AKR1B15: variants seen among roughly 807,000 people sequenced by gnomAD.
The protein encoded by AKR1B15 is estradiol 17-beta-dehydrogenase AKR1B15.
A neutral mutation model predicts 38.5 loss-of-function variants in AKR1B15; 49 were observed. That is an observed-to-expected ratio of 1.27 (90% CI 1.01 to 1.62). The LOEUF is 1.62. Ranked by LOEUF, AKR1B15 falls within the 40% of genes most tolerant of loss-of-function variation. The pLI is 0.00. For missense variants in AKR1B15, 411 were observed against 381.6 expected, an observed-to-expected ratio of 1.08 and a Z score of -0.64; for synonymous variants, 137 against 135.5, an observed-to-expected ratio of 1.01 and a Z score of -0.08.
At position 134,565,363 on chromosome 7, in the gene AKR1B15, G is replaced by C; in HGVS notation, c.150+594G>C. On this transcript the variant is annotated intron_variant, in intron 3 of 11. Coordinates refer to ENST00000457545, the MANE Select transcript of AKR1B15 (RefSeq NM_001080538.3). ...AACAGCTGTAACACACACTGTGAAG[G>C]TCCACGGCTTCATTCTTGAAGCCAG... The C allele has an allele frequency of 2.6e-6, 4 of 1,519,848 alleles. No individual in the cohort carries two copies. In the South Asian group the frequency reaches 4.7e-5, roughly 18 times the overall value. 94.1% of individuals were successfully genotyped at this position (1,519,848 alleles called of 1,614,324 possible). A position where few individuals can be genotyped will look rare whatever the true frequency, so the allele number is the denominator to read the frequency against.
At chr7:134,549,650 C>T (rs969997644) in intron 1 of AKR1B15, among the ~76,000 whole-genome samples, 2 of 152,156 alleles carry the variant, frequency 1.3e-5, no homozygotes, top group Non-Finnish European at 2.9e-5. Flanking sequence ...GGGGTTTATA[C>T]CAGCCTGCCA....
chr7:134,562,068 C>T (rs1197654236), intron 2 of AKR1B15, among the ~76,000 whole-genome samples: 1 of 152,142 alleles, frequency 6.6e-6, no homozygotes, highest in African/African-American at 2.4e-5. Flanking sequence ...ACTGCAACTT[C>T]CACCTCCTAG....
rs1793929203 is a variant in AKR1B15 at position 134,550,459 on chromosome 7, T to C, written c.-147+1210T>C. ...ACACCAAAGTTATTTGGGATATAAG[T>C]CAAGAAGGGGGGGTCACCTAAGTCC... On this transcript the variant is annotated intron_variant, in intron 1 of 11. Coordinates refer to ENST00000457545, the MANE Select transcript of AKR1B15 (RefSeq NM_001080538.3). Among the ~76,000 whole-genome samples the C allele has an allele frequency of 2.0e-5, 3 of 152,070 alleles. No individual in the cohort carries two copies. The South Asian group carries it at 6.2e-4, about 32-fold the overall frequency.
At chr7:134,550,211 G>A (rs1165107095) in intron 1 of AKR1B15, among the ~76,000 whole-genome samples, 2 of 152,052 alleles carry the variant, frequency 1.3e-5, no homozygotes, top group African/African-American at 4.8e-5. Context: ...CACCCATACT[G>A]CTCTACTCTG....
chr7:134,578,504 A>G (rs1176913052), intron 11 of AKR1B15, among the ~76,000 whole-genome samples: 3 of 152,274 alleles, frequency 2.0e-5, no homozygotes, highest in East Asian at 3.9e-4. Flanking sequence ...AATCTCAGAT[A>G]AGTTGTTGAA....
chr7:134,553,458 T>C (rs539362511), intron 1 of AKR1B15, among the ~76,000 whole-genome samples: 43 of 152,350 alleles, frequency 2.8e-4, no homozygotes, highest in Admixed American at 2.5e-3. Flanking sequence ...AGTGGCCTAT[T>C]TGTCTAAGAG....
chr7:134,559,474 G>A (rs1259579299), intron 2 of AKR1B15, among the ~76,000 whole-genome samples: 1 of 152,094 alleles, frequency 6.6e-6, no homozygotes, highest in African/African-American at 2.4e-5. Context: ...ACCCCTTGTT[G>A]CTGATTATAA....
chr7:134,579,430 A>G, intron 11 of AKR1B15, 77 bp from the exon 12 acceptor site: 1 of 1,274,298 alleles, frequency 7.8e-7, no homozygotes, highest in Non-Finnish European at 1.1e-6. Context: ...AGAGTCCACC[A>G]GAGAAGAATA....
intron 6 of AKR1B15, among the ~76,000 whole-genome samples, chr7:134,575,210 T>C (rs1465473): frequency 0.45 from 68,737 of 152,048 alleles, 15,907 homozygotes; most frequent in African/African-American, 0.55. Flanking sequence ...ACCTGTTAGT[T>C]TTAGATTTTC....
chr7:134,572,661 G>C (rs1794691048), intron 6 of AKR1B15, among the ~76,000 whole-genome samples: 1 of 151,668 alleles, frequency 6.6e-6, no homozygotes, highest in South Asian at 2.1e-4. Context: ...AAGAAAATCA[G>C]GGAGCCTGAG....
chr7:134,564,555 GGCCCT>G lies in AKR1B15; in HGVS notation c.-22-41_-22-37del. On this transcript the variant is annotated intron_variant, in intron 2 of 11. Transcript: ENST00000457545. ...GCCATCTTGCTATTACTCACCTTTGGGCCCTGTATTTTTAACCTCCTTGTCAAATT... is the reference window on the plus strand; with the variant it reads ...GCCATCTTGCTATTACTCACCTTTGGGTATTTTTAACCTCCTTGTCAAATT... 6.1e-6 allele frequency: 4 copies of G among 658,386 alleles called. No individual in the cohort carries two copies. In the South Asian group the frequency reaches 6.6e-5, roughly 11 times the overall value. The allele number at this position is 658,386 out of a possible 1,614,324, so 40.8% of individuals were successfully genotyped here. A position where few individuals can be genotyped will look rare whatever the true frequency, so the allele number is the denominator to read the frequency against.
Position 134,573,465 on chromosome 7 carries a change from C to G in AKR1B15, c.513+1784C>G, listed in dbSNP as rs528619315. Reference sequence around the variant, plus strand: ...ACATGAGGATGACTGCTAAAGAAAACATTTGAAAGGCATGAAAAGATATCA... The same window carrying G: ...ACATGAGGATGACTGCTAAAGAAAAGATTTGAAAGGCATGAAAAGATATCA... On this transcript the variant is annotated intron_variant, in intron 6 of 11. Transcript: ENST00000457545. The G allele has an allele frequency of 5.1e-6, 5 of 985,366 alleles. No individual in the cohort carries two copies. In the African/African-American group the frequency reaches 8.7e-5, roughly 17 times the overall value. The allele number at this position is 985,366 out of a possible 1,614,324, so 61.0% of individuals were successfully genotyped here. A position where few individuals can be genotyped will look rare whatever the true frequency, so the allele number is the denominator to read the frequency against.
At chr7:134,567,086 G>A (rs777544514) in intron 3 of AKR1B15, among the ~76,000 whole-genome samples, 2 of 152,170 alleles carry the variant, frequency 1.3e-5, no homozygotes, top group East Asian at 1.9e-4. Context: ...GTAGTATAGC[G>A]GTTGGGGTCA....
Position 134,577,787 on chromosome 7 carries a change from GT to G in AKR1B15, c.992+2del. 1 of 1,613,820 alleles carries G rather than the reference GT, an allele frequency of 6.2e-7. No individual in the cohort carries two copies. On this transcript the variant is annotated splice_donor_variant, in intron 11 of 11. Coordinates refer to ENST00000457545, the MANE Select transcript of AKR1B15 (RefSeq NM_001080538.3). LOFTEE classifies it high-confidence loss of function. Reference sequence around the variant, plus strand: ...ACTGGAGGGCCTTTGACTTCAAGGAGTAAGTGGCATGGAGTTAACTAGAAGA... The same window carrying G: ...ACTGGAGGGCCTTTGACTTCAAGGAGAAGTGGCATGGAGTTAACTAGAAGA...
chr7:134,568,263 G>C lies in AKR1B15; in HGVS notation c.256G>C (p.Ala86Pro), dbSNP rs990125142. The C allele has an allele frequency of 3.1e-6, 5 of 1,613,996 alleles. No individual in the cohort carries two copies. The African/African-American group carries it at 6.7e-5, about 22-fold the overall frequency. The change falls in exon 4 of 12, where the codon GCC becomes CCC. Residue 86 changes from alanine to proline, a missense_variant. This residue lies in a region of AKR1B15 where 254 missense variants were observed against 212.4 expected (regional missense o/e 1.20). Transcript: ENST00000457545. The stretch of plus-strand genomic sequence containing the variant: ...TGAGAATCAACATGAGGTGGGAGAA[G>C]CCATCCAAGAGAAGATCCAAGAGAA... ...FYENQHEVGE[A>P]IQEKIQEKAV... is the part of the protein sequence containing the mutation.
At position 134,572,477 on chromosome 7, in the gene AKR1B15, A is replaced by C. The variant is rs1007731762; in HGVS notation, c.513+796A>C. Among the ~76,000 whole-genome samples the C allele has an allele frequency of 2.2e-4, 34 of 152,034 alleles. 1 individual carries two copies. Among genetic ancestry groups the C allele is most frequent in the African/African-American group, 6.3e-4 (26 of 41,398 alleles). ...CGCTGTCTCTACTAAAAATACAAAA[A>C]ATTAGCCAGGTGTGGTGGTGTGTGC... On this transcript the variant is annotated intron_variant, in intron 6 of 11. Transcript: ENST00000457545.
At chr7:134,560,478 G>A (rs1490560068) in intron 2 of AKR1B15, among the ~76,000 whole-genome samples, 2 of 152,096 alleles carry the variant, frequency 1.3e-5, no homozygotes, top group Admixed American at 1.3e-4. Flanking sequence ...GCAAATAAAT[G>A]GTTGCTGTAA....
chr7:134,557,136 T>C (rs967530384), intron 2 of AKR1B15, among the ~76,000 whole-genome samples: 9 of 152,152 alleles, frequency 5.9e-5, no homozygotes, highest in African/African-American at 9.7e-5. Flanking sequence ...AGTACCAAAG[T>C]ACCAAAGCAT....
At position 134,576,960 on chromosome 7, in the gene AKR1B15, C is replaced by G; in HGVS notation, c.826-3C>G. ...GGAAACATGATGTCCCCTTTCTGCA[C>G]AGGTTCTGATCCGTTTCCATATCCA... is the stretch of plus-strand genomic sequence containing the variant. On this transcript the variant is annotated splice_polypyrimidine_tract_variant and splice_region_variant and intron_variant, in intron 9 of 11. Transcript: ENST00000457545. 6.2e-7 allele frequency: 1 copy of G among 1,612,984 alleles called. No individual in the cohort carries two copies. Among genetic ancestry groups the G allele is most frequent in the South Asian group, 1.1e-5 (1 of 91,032 alleles).
Sources: gnomAD v4.1 joint callset for allele counts (sites outside exome capture counted in the v4.1 genomes callset) on GRCh38, gnomAD v4.1.1 for gene constraint, gnomAD v4.1.1 regional missense constraint, MANE v1.5 for transcripts, NCBI Gene and HGNC (gene_info 2026-07-23, HGNC 2026-07-21) for gene names.